Variants in PVT1 observed in about 807,000 individuals in gnomAD.
PVT1 encodes the protein Pvt1 oncogene.
intron 2 of PVT1, among the ~76,000 whole-genome samples, chr8:127,861,869 G>C (rs1009182234): frequency 6.6e-6 from 1 of 152,160 alleles, no homozygotes; most frequent in Non-Finnish European, 1.5e-5. Context: ...AGTCAGTCCT[G>C]CGGGGCTTTC....
At chr8:128,049,666 T>C (rs1586497960) in intron 4 of PVT1, among the ~76,000 whole-genome samples, 1 of 152,012 alleles carries the variant, frequency 6.6e-6, no homozygotes, top group South Asian at 2.1e-4. Flanking sequence ...TGGAAGGCAC[T>C]GGCAGGATGG....
chr8:128,068,790 C>A (rs1297342630), intron 4 of PVT1, among the ~76,000 whole-genome samples: 1 of 152,222 alleles, frequency 6.6e-6, no homozygotes, highest in Non-Finnish European at 1.5e-5. Flanking sequence ...CTGCACCCGG[C>A]CAGTTTTGGG....
chr8:127,799,519 G>C (rs930526014), intron 2 of PVT1, among the ~76,000 whole-genome samples: 2 of 152,224 alleles, frequency 1.3e-5, no homozygotes, highest in Non-Finnish European at 2.9e-5. Context: ...GTGTGGAAGT[G>C]GGGGGCTTGC....
chr8:127,858,921 C>T (rs2129747454), intron 2 of PVT1, among the ~76,000 whole-genome samples: 1 of 147,706 alleles, frequency 6.8e-6, no homozygotes, highest in South Asian at 2.1e-4. Flanking sequence ...GATTCTCCTG[C>T]CTCAGCCTCC....
intron 3 of PVT1, among the ~76,000 whole-genome samples, chr8:127,928,173 T>G (rs1816154998): frequency 6.6e-6 from 1 of 152,188 alleles, no homozygotes; most frequent in Non-Finnish European, 1.5e-5. Context: ...GCCGTCAATA[T>G]CTTCCATATC....
chr8:127,803,136 T>TC (rs1385150902), intron 2 of PVT1: 1 of 145,006 alleles, frequency 6.9e-6, no homozygotes, highest in African/African-American at 2.6e-5. Context: ...TTTTTTTTTT[T>TC]TTTTTTTTTT....
intron 4 of PVT1, among the ~76,000 whole-genome samples, chr8:128,023,737 G>A (rs1365557848): frequency 2.6e-5 from 4 of 152,188 alleles, no homozygotes; most frequent in African/African-American, 9.6e-5. Flanking sequence ...GACATTCAGA[G>A]AGAGAGACGT....
chr8:127,860,626 G>A (rs929747450), intron 2 of PVT1, among the ~76,000 whole-genome samples: 7 of 152,052 alleles, frequency 4.6e-5, no homozygotes, highest in East Asian at 3.9e-4. Flanking sequence ...TTAGCTGGGC[G>A]TGGTGGCACG....
At chr8:127,892,873 C>T (rs1039183282) in intron 3 of PVT1, among the ~76,000 whole-genome samples, 1 of 152,158 alleles carries the variant, frequency 6.6e-6, no homozygotes, top group Admixed American at 6.5e-5. Context: ...ACTCCCCACT[C>T]CTTTGTGCCT....
intron 2 of PVT1, among the ~76,000 whole-genome samples, chr8:127,831,104 T>C (rs1223692464): frequency 2.7e-5 from 4 of 149,850 alleles, no homozygotes; most frequent in African/African-American, 7.4e-5. Context: ...TATACATACG[T>C]GTGTGTGTGT....
intron 3 of PVT1, among the ~76,000 whole-genome samples, chr8:127,944,270 T>C (rs1227169085): frequency 6.6e-6 from 1 of 152,166 alleles, no homozygotes; most frequent in Non-Finnish European, 1.5e-5. Flanking sequence ...CTATTTTTTC[T>C]GCTTGATTGT....
rs75323783 is a variant in PVT1, at chr8:128,081,583, T to A, written n.1114+11222T>A. 7.4e-3 allele frequency among the ~76,000 whole-genome samples: 1,128 copies of A among 152,368 alleles called. 20 individuals carry two copies. Among genetic ancestry groups the A allele is most frequent in the African/African-American group, 0.026 (1,096 of 41,584 alleles). On this transcript the variant is annotated intron_variant and non_coding_transcript_variant, in intron 5 of 10. Transcript: ENST00000651587. The stretch of plus-strand genomic sequence containing the variant: ...ATTAGCCTTGCCTTCTGGCTAATGT[T>A]ATTAAATGTTATTGCTGAAAGAAAC...
rs572457320 is a variant in PVT1, at chr8:128,073,640, A to G, written n.1114+3279A>G. Among the ~76,000 whole-genome samples the G allele has an allele frequency of 2.0e-4, 31 of 152,136 alleles. 1 individual carries two copies. Among genetic ancestry groups the G allele is most frequent in the South Asian group, 8.3e-4 (4 of 4,810 alleles). ...TCTGCTACCCTCCCTAGCCCTCCTC[A>G]TGCGCCAACCCATTTCAACTTGTGA... is the stretch of plus-strand genomic sequence containing the variant. On this transcript the variant is annotated intron_variant and non_coding_transcript_variant, in intron 5 of 10. Coordinates refer to ENST00000651587, the Ensembl canonical transcript of PVT1.
rs367932979 is a variant in PVT1 at position 127,921,479 on chromosome 8, T to C, written n.782+30481T>C. 5.9e-5 allele frequency among the ~76,000 whole-genome samples: 9 copies of C among 152,268 alleles called. No homozygotes were observed. The South Asian group carries it at 1.9e-3, about 32-fold the overall frequency. ...AGGAAGGCCTCGACATTAGATTCAT[T>C]CTGTACACAACTCAGCAAATTAGAT... is the stretch of plus-strand genomic sequence containing the variant. On this transcript the variant is annotated intron_variant and non_coding_transcript_variant, in intron 3 of 10. Transcript: ENST00000651587.
intron 4 of PVT1, among the ~76,000 whole-genome samples, chr8:128,040,754 GTGTA>G (rs1813520704): frequency 1.3e-5 from 2 of 152,032 alleles, no homozygotes; most frequent in Non-Finnish European, 2.9e-5. Context: ...GCTTGTGTGT[GTGTA>G]TGTGTTTTTG....
chr8:127,984,857 CTTTCTTTCTTTCTTTCT>C (rs1563657379), intron 3 of PVT1, among the ~76,000 whole-genome samples: 6 of 43,190 alleles, frequency 1.4e-4, no homozygotes, highest in African/African-American at 4.0e-4. Flanking sequence ...TTCTTTCTTT[CTTTCTTTCTTTCTTTCT>C]TTCTTTCTTT....
chr8:128,087,060 A>G (rs182151861), intron 5 of PVT1, among the ~76,000 whole-genome samples: 1 of 152,252 alleles, frequency 6.6e-6, no homozygotes, highest in African/African-American at 2.4e-5. Flanking sequence ...AATATTGTTT[A>G]CTGTTATGTG....
intron 2 of PVT1, among the ~76,000 whole-genome samples, chr8:127,845,591 A>G (rs1282902210): frequency 1.3e-5 from 2 of 152,222 alleles, no homozygotes; most frequent in Non-Finnish European, 2.9e-5. Flanking sequence ...GACCCCAAAC[A>G]TACTTATATA....
chr8:127,946,948 A>G (rs1037758720), intron 3 of PVT1: 2 of 152,286 alleles, frequency 1.3e-5, no homozygotes, highest in Non-Finnish European at 2.9e-5. Context: ...TCCTCCAAGC[A>G]GCAGGCTCTG....
Sources: gnomAD v4.1 joint callset for allele counts (sites outside exome capture counted in the v4.1 genomes callset) on GRCh38, gnomAD v4.1.1 for gene constraint, MANE v1.5 for transcripts, NCBI Gene and HGNC (gene_info 2026-07-23, HGNC 2026-07-21) for gene names.